IQCB1: variants seen among roughly 807,000 people sequenced by gnomAD.
IQCB1 encodes IQ motif containing B1.
In IQCB1, 56 loss-of-function variants were observed where a neutral mutation model predicts 84.4. That is an observed-to-expected ratio of 0.66 (90% CI 0.54 to 0.83). IQCB1 has a LOEUF of 0.83. Among genes scored for constraint, IQCB1 ranks in the 40% least tolerant of loss-of-function variants. The pLI, the probability that IQCB1 is intolerant of heterozygous loss-of-function variation, is 0.00. For missense variants in IQCB1, 629 were observed against 682.1 expected, an observed-to-expected ratio of 0.92 and a Z score of 0.87; for synonymous variants, 210 against 234.8, an observed-to-expected ratio of 0.89 and a Z score of 0.96.
At chr3:121,781,662 C>CA (rs868296301) in intron 13 of IQCB1, 81 bp downstream of exon 13, 12 of 936,862 alleles carry the variant, frequency 1.3e-5, no homozygotes, top group African/African-American at 1.9e-5. Context: ...CACACACACA[C>CA]AATATATGTG....
intron 12 of IQCB1, among the ~76,000 whole-genome samples, chr3:121,784,758 T>G (rs1430323199): frequency 6.6e-6 from 1 of 152,146 alleles, no homozygotes; most frequent in African/African-American, 2.4e-5. Context: ...TATGGCTCAC[T>G]GCAGCCTCAA....
At chr3:121,795,839 C>T (rs1309862727) in intron 9 of IQCB1, among the ~76,000 whole-genome samples, 2 of 152,058 alleles carry the variant, frequency 1.3e-5, no homozygotes, top group Non-Finnish European at 1.5e-5. Flanking sequence ...TCCGCCTGAC[C>T]TTTCATAATC....
intron 13 of IQCB1, among the ~76,000 whole-genome samples, chr3:121,781,082 G>T (rs1474449949): frequency 6.6e-6 from 1 of 152,222 alleles, no homozygotes; most frequent in African/African-American, 2.4e-5. Context: ...TAAGAGAAAA[G>T]AAAGTAGAGG....
At chr3:121,776,048 T>TC (rs1349920039) in intron 13 of IQCB1, among the ~76,000 whole-genome samples, 2 of 151,798 alleles carry the variant, frequency 1.3e-5, no homozygotes, top group African/African-American at 4.8e-5. Flanking sequence ...ATCCACGTTT[T>TC]TTTTTCTTTT....
chr3:121,802,142 C>T (rs1949431320), intron 7 of IQCB1, among the ~76,000 whole-genome samples: 1 of 151,816 alleles, frequency 6.6e-6, no homozygotes, highest in Non-Finnish European at 1.5e-5. Context: ...TAATGCTGAC[C>T]TTATAGAATG....
chr3:121,819,547 C>T (rs956882138), intron 5 of IQCB1, among the ~76,000 whole-genome samples: 1 of 152,130 alleles, frequency 6.6e-6, no homozygotes, highest in Non-Finnish European at 1.5e-5. Context: ...AAGAATAATG[C>T]AATAAGTACC....
intron 5 of IQCB1, 47 bp from the exon 6 acceptor site, chr3:121,809,056 CTTTTTTTTTT>C: frequency 1.1e-6 from 1 of 893,120 alleles, no homozygotes; most frequent in Non-Finnish European, 1.7e-6. Context: ...AGTTTTTTTC[CTTTTTTTTTT>C]TTTTAAGGAG....
At chr3:121,772,507 C>T (rs1948039273) in intron 14 of IQCB1, 50 bp downstream of exon 14, 1 of 1,600,464 alleles carries the variant, frequency 6.2e-7, no homozygotes, top group Non-Finnish European at 8.6e-7. Context: ...ATGTCACAAA[C>T]CTCGCATAGG....
intron 13 of IQCB1, 111 bp downstream of exon 13, chr3:121,781,632 T>TACACACACAC (rs57816005): frequency 5.7e-5 from 47 of 820,740 alleles, no homozygotes; most frequent in African/African-American, 2.6e-4. Flanking sequence ...GCAATAAATG[T>TACACACACAC]ACACACACAC....
chr3:121,774,379 C>G (rs1034995482), intron 13 of IQCB1, among the ~76,000 whole-genome samples: 1 of 152,074 alleles, frequency 6.6e-6, no homozygotes, highest in African/African-American at 2.4e-5. Flanking sequence ...GGCAGTTCCT[C>G]AAAAAAATTT....
In IQCB1 at chr3:121,779,975, C is replaced by T. The variant is rs113270404; in HGVS notation, c.1410+1768G>A. On this transcript the variant is annotated intron_variant, in intron 13 of 14. Transcript: ENST00000310864. ...CCTATGTGAGTTCCAGACACACTTCCGTCTTACCTTTTCAGATGACTCGAT... is the reference window on the plus strand; with the variant it reads ...CCTATGTGAGTTCCAGACACACTTCTGTCTTACCTTTTCAGATGACTCGAT... Among the ~76,000 whole-genome samples, 15 of 152,204 alleles carry T rather than the reference C, an allele frequency of 9.9e-5. 1 individual carries two copies. Among genetic ancestry groups the T allele is most frequent in the South Asian group, 2.1e-4 (1 of 4,820 alleles).
chr3:121,771,261 C>T (rs59002131), intron 14 of IQCB1, among the ~76,000 whole-genome samples: 16,090 of 152,036 alleles, frequency 0.11, 1,100 homozygotes, highest in South Asian at 0.24. Flanking sequence ...CGTGAGCCAC[C>T]GTGCCCGGCC....
Position 121,781,857 on chromosome 3 carries a change from C to T in IQCB1, c.1296G>A (p.Ala432=), listed in dbSNP as rs761109901. ...TLQRAALKFL[A]KCRKKKKLFA... ...ATAGTTTCTTTTTCTTACGGCACTT[C>T]GCTAGGAATTTAAGCGCCTGGAAGA... Residue 432 remains alanine, a synonymous_variant, in exon 13 of 15, where the codon GCG becomes GCA. Coordinates refer to ENST00000310864, the MANE Select transcript of IQCB1 (RefSeq NM_001023570.4). 9.3e-6 allele frequency: 15 copies of T among 1,613,330 alleles called. No individual in the cohort carries two copies. The highest frequency in any genetic ancestry group is 2.2e-5 in the East Asian group (1 of 44,858).
chr3:121,827,623 G>C (rs1950505105), intron 4 of IQCB1, among the ~76,000 whole-genome samples: 2 of 152,106 alleles, frequency 1.3e-5, no homozygotes, highest in South Asian at 2.1e-4. Flanking sequence ...GTATGAAAAA[G>C]AATATCACAT....
At chr3:121,829,056 A>C in intron 2 of IQCB1, 84 bp from the exon 3 acceptor site, 1 of 776,504 alleles carries the variant, frequency 1.3e-6, no homozygotes. Context: ...TATAATTTCA[A>C]TATAAATAAA....
At chr3:121,790,699 T>C (rs530922901) in intron 10 of IQCB1, among the ~76,000 whole-genome samples, 5 of 152,292 alleles carry the variant, frequency 3.3e-5, no homozygotes, top group Non-Finnish European at 5.9e-5. Flanking sequence ...GAGAATATAC[T>C]GATGATCTAA....
rs371465073 is a variant in IQCB1 at position 121,812,874 on chromosome 3, C to G, written c.394-3865G>C. Among the ~76,000 whole-genome samples, 14 of 152,244 alleles carry G rather than the reference C, an allele frequency of 9.2e-5. No individual in the cohort carries two copies. The East Asian group carries it at 2.7e-3, about 29-fold the overall frequency. On this transcript the variant is annotated intron_variant, in intron 5 of 14. Coordinates refer to ENST00000310864, the MANE Select transcript of IQCB1 (RefSeq NM_001023570.4). ...ATATTATCCAGGAGAACATCCCCAA[C>G]CTAGCAAGACAAGCCAACATTCAAA...
chr3:121,787,176 T>C (rs987583838), intron 12 of IQCB1, among the ~76,000 whole-genome samples: 8 of 129,266 alleles, frequency 6.2e-5, no homozygotes, highest in Non-Finnish European at 9.8e-5. Flanking sequence ...TTCTACAATG[T>C]TTTTTGGATG....
chr3:121,813,068 G>C (rs7649273), intron 5 of IQCB1, among the ~76,000 whole-genome samples: 97,800 of 151,984 alleles, frequency 0.64, 31,957 homozygotes, highest in African/African-American at 0.71. Flanking sequence ...AACAGCGGAT[G>C]TCTCTGCAGA....
Sources: allele counts gnomAD v4.1 joint callset (sites outside exome capture counted in the v4.1 genomes callset), GRCh38; gene constraint gnomAD v4.1.1; transcripts MANE v1.5; gene names NCBI Gene and HGNC (gene_info 2026-07-23, HGNC 2026-07-21).